Variants in PDE9A observed in about 807,000 individuals in gnomAD.
PDE9A encodes the protein phosphodiesterase 9A.
Under a neutral mutation model 87.4 loss-of-function variants are expected in PDE9A, and 60 were observed. The observed-to-expected ratio is 0.69, with a 90% CI of 0.56 to 0.85. The LOEUF (loss-of-function observed/expected upper bound fraction) is 0.85, where lower values mean the gene tolerates loss of function less well. Among genes scored for constraint, PDE9A ranks in the 40% least tolerant of loss-of-function variants. The probability of loss-of-function intolerance (pLI) is 0.00; values close to 1 mark genes in which losing one functional copy is unlikely to be tolerated. For missense variants in PDE9A, 665 were observed against 779.0 expected, an observed-to-expected ratio of 0.85 and a Z score of 1.74; for synonymous variants, 272 against 279.4, an observed-to-expected ratio of 0.97 and a Z score of 0.27.
In PDE9A at chr21:42,702,063, T is replaced by G. The variant is rs924818573; in HGVS notation, c.262+3052T>G. 1.3e-5 allele frequency among the ~76,000 whole-genome samples: 2 copies of G among 152,206 alleles called. No homozygotes were observed. The highest frequency in any genetic ancestry group is 4.8e-5 in the African/African-American group (2 of 41,448). ...AAATTTGGAATTTTTTCTGCTCTCC[T>G]CTGTCTCTCTCCTTTCCCCTGGGAC... On this transcript the variant is annotated intron_variant, in intron 4 of 19. Transcript: ENST00000291539. The surrounding 1 kb of genome is among the most constrained non-coding windows in gnomAD (Gnocchi z 4.9).
At chr21:42,754,782 CT>C (rs1181826148) in intron 10 of PDE9A, among the ~76,000 whole-genome samples, 2 of 152,172 alleles carry the variant, frequency 1.3e-5, no homozygotes, top group Non-Finnish European at 2.9e-5. Flanking sequence ...TGTCTTTTGC[CT>C]GCCGCCATTT....
rs562399180 is a variant in PDE9A at position 42,662,972 on chromosome 21, G to A, written c.69+9089G>A. On this transcript the variant is annotated intron_variant, in intron 1 of 19. Coordinates refer to ENST00000291539, the MANE Select transcript of PDE9A (RefSeq NM_002606.3). ...CGCACATCACATGCACACGCCACGC[G>A]CCTCACACACAAGAACACACACCAC... Among the ~76,000 whole-genome samples the A allele has an allele frequency of 1.3e-3, 141 of 108,774 alleles. 1 individual carries two copies. Among genetic ancestry groups the A allele is most frequent in the African/African-American group, 2.0e-3 (55 of 27,272 alleles). The allele number at this position is 108,774 out of a possible 152,430, so 71.4% of individuals were successfully genotyped here.
In PDE9A at chr21:42,726,611, TATATATA is replaced by T. The variant is rs1569207221; in HGVS notation, c.263-5158_263-5152del. ...GCCTGGCCATATATATATATATATATATATATATATATATTTTTTTTTTTTTTTTTGT... is the reference window on the plus strand; with the variant it reads ...GCCTGGCCATATATATATATATATATTATATATTTTTTTTTTTTTTTTTGT... On this transcript the variant is annotated intron_variant, in intron 4 of 19. Transcript: ENST00000291539. 2.3e-3 allele frequency among the ~76,000 whole-genome samples: 63 copies of T among 27,286 alleles called. 4 individuals are homozygous for T. The highest frequency in any genetic ancestry group is 0.016 in the African/African-American group (60 of 3,840). The allele number at this position is 27,286 out of a possible 152,430, so 17.9% of individuals were successfully genotyped here.
At chr21:42,766,572 C>T (rs2147158927) in intron 15 of PDE9A, among the ~76,000 whole-genome samples, 1 of 152,326 alleles carries the variant, frequency 6.6e-6, no homozygotes, top group East Asian at 1.9e-4. Context: ...GGACTCATCG[C>T]TCTCTGGAGC....
rs775860733 is a variant in PDE9A at position 42,705,576 on chromosome 21, A to G, written c.262+6565A>G. 6.6e-6 allele frequency among the ~76,000 whole-genome samples: 1 copy of G among 152,144 alleles called. No homozygotes were observed. The highest frequency in any genetic ancestry group is 1.5e-5 in the Non-Finnish European group (1 of 68,018). On this transcript the variant is annotated intron_variant, in intron 4 of 19. Transcript: ENST00000291539. The surrounding 1 kb of genome is among the most constrained non-coding windows in gnomAD (Gnocchi z 4.3). ...TGGGTCCGTGTGATCTCATGACCGT[A>G]TCAAGGGGATTGTGTCTTTTTGACC...
At position 42,653,712 on chromosome 21, in the gene PDE9A, C is replaced by CGGGGG. The variant is rs2056814796; in HGVS notation, c.-102_-101insGGGGG. The CGGGGG allele has an allele frequency of 1.6e-5, 5 of 313,484 alleles. No homozygotes were observed. The highest frequency in any genetic ancestry group is 4.0e-5 in the South Asian group (1 of 25,300). 19.4% of individuals were successfully genotyped at this position (313,484 alleles called of 1,614,324 possible). ...CTGTGGTTGGCTGAGCGCCGCGGGC[C>CGGGGG]GCCCCCCGCCCGCCCCCTCCCCTGC... On this transcript the variant is annotated 5_prime_UTR_variant, in exon 1 of 20. Transcript: ENST00000291539.
chr21:42,691,751 G>A (rs956926570), intron 3 of PDE9A, among the ~76,000 whole-genome samples: 1 of 138,674 alleles, frequency 7.2e-6, no homozygotes, highest in Non-Finnish European at 1.5e-5. Context: ...ACCATCATCC[G>A]AAGTCACCCA....
At chr21:42,686,670 C>G (rs963572826) in intron 2 of PDE9A, among the ~76,000 whole-genome samples, 2 of 152,144 alleles carry the variant, frequency 1.3e-5, no homozygotes, top group Non-Finnish European at 2.9e-5. Context: ...CAAAAATTAG[C>G]CGGGCGTGGT....
At chr21:42,697,907 G>A (rs1241550423) in intron 3 of PDE9A, among the ~76,000 whole-genome samples, 3 of 152,188 alleles carry the variant, frequency 2.0e-5, no homozygotes, top group African/African-American at 7.2e-5. Context: ...CACTAATGTG[G>A]CATCCTGCCT....
In PDE9A at chr21:42,762,188, G is replaced by A. The variant is rs1395975920; in HGVS notation, c.1191G>A (p.Glu397=). The A allele has an allele frequency of 1.2e-6, 2 of 1,614,044 alleles. No homozygotes were observed. Among genetic ancestry groups the A allele is most frequent in the African/African-American group, 1.3e-5 (1 of 74,924 alleles). The change falls in exon 14 of 20, where the codon GAG becomes GAA. Residue 397 remains glutamate, a synonymous_variant. Transcript: ENST00000291539. ...AVAFQILAEP[E]CNIFSNIPPD... ...CCTTCCAGATCCTCGCCGAGCCTGA[G>A]TGCAACATCTTCTCCAACATCCCAC...
rs775071217 is a variant in PDE9A at position 42,775,306 on chromosome 21, G to A, written c.*13G>A. On this transcript the variant is annotated 3_prime_UTR_variant, in exon 20 of 20. Coordinates refer to ENST00000291539, the MANE Select transcript of PDE9A (RefSeq NM_002606.3). ...AGACTGTGCCTGAGGAAAGCGGGGG[G>A]CGTGGCTGCAGTTCTGGACGGGCTG... The A allele has an allele frequency of 9.3e-6, 15 of 1,609,370 alleles. No individual in the cohort carries two copies. The highest frequency in any genetic ancestry group is 1.3e-5 in the Non-Finnish European group (15 of 1,178,078).
chr21:42,773,591 G>A (rs2057225295), intron 19 of PDE9A, among the ~76,000 whole-genome samples: 1 of 151,552 alleles, frequency 6.6e-6, no homozygotes, highest in Non-Finnish European at 1.5e-5. Flanking sequence ...CGGATCACGA[G>A]GAGATCGAGA....
chr21:42,702,566 A>G lies in PDE9A; in HGVS notation c.262+3555A>G, dbSNP rs911404311. Among the ~76,000 whole-genome samples the G allele has an allele frequency of 2.0e-5, 3 of 152,158 alleles. No individual in the cohort carries two copies. The highest frequency in any genetic ancestry group is 7.2e-5 in the African/African-American group (3 of 41,436). On this transcript the variant is annotated intron_variant, in intron 4 of 19. Coordinates refer to ENST00000291539, the MANE Select transcript of PDE9A (RefSeq NM_002606.3). This position sits in a 1 kb window ranked among gnomAD's most constrained non-coding sequence, Gnocchi z 4.9. ...TCACAGGAATGCACGCTGGTTCATC[A>G]TCTGGTTTTGTTTCTCCCAGTTAAG...
intron 1 of PDE9A, among the ~76,000 whole-genome samples, chr21:42,680,310 C>T (rs2059100618): frequency 6.6e-6 from 1 of 152,270 alleles, no homozygotes; most frequent in Non-Finnish European, 1.5e-5. Flanking sequence ...TTAAGGCAGC[C>T]CCCTGCTCCA....
chr21:42,716,359 C>T (rs1055636452), intron 4 of PDE9A, among the ~76,000 whole-genome samples: 2 of 151,800 alleles, frequency 1.3e-5, no homozygotes, highest in African/African-American at 2.4e-5. Context: ...CAGCAATGAA[C>T]GAGCATTCCT....
intron 4 of PDE9A, among the ~76,000 whole-genome samples, chr21:42,715,445 G>GTTATAGGAGCATAGTACTTCATTTT (rs1555919454): frequency 1.6e-4 from 24 of 151,982 alleles, no homozygotes; most frequent in South Asian, 6.3e-4. Flanking sequence ...TGGCCAACAT[G>GTTATAGGAGCATAGTACTTCATTTT]GTGAAACCCT....
At chr21:42,670,240 C>CACAT (rs796446421) in intron 1 of PDE9A, among the ~76,000 whole-genome samples, 1 of 97,692 alleles carries the variant, frequency 1.0e-5, no homozygotes, top group African/African-American at 3.3e-5. Flanking sequence ...TACATTCACA[C>CACAT]TCATACACAT....
rs1278137860 is a variant in PDE9A, at chr21:42,659,613, A to G, written c.69+5730A>G. Among the ~76,000 whole-genome samples the G allele has an allele frequency of 6.6e-6, 1 of 152,032 alleles. No homozygotes were observed. The highest frequency in any genetic ancestry group is 6.5e-5 in the Admixed American group (1 of 15,268). On this transcript the variant is annotated intron_variant, in intron 1 of 19. Transcript: ENST00000291539. The surrounding 1 kb of genome is among the most constrained non-coding windows in gnomAD (Gnocchi z 4.1). ...CCCCATGACGCTTCTCTCATCCTGG[A>G]CCCATCAGCCCGGAAGACTCTGGAA... is the stretch of plus-strand genomic sequence containing the variant.
intron 1 of PDE9A, among the ~76,000 whole-genome samples, chr21:42,664,953 G>A (rs962055134): frequency 4.6e-5 from 7 of 152,250 alleles, no homozygotes; most frequent in African/African-American, 1.7e-4. Flanking sequence ...TGAATGTCCC[G>A]TTAGTTGGAA....
Sources: allele counts gnomAD v4.1 joint callset (sites outside exome capture counted in the v4.1 genomes callset), GRCh38; gene constraint gnomAD v4.1.1; non-coding constraint Gnocchi (gnomAD v3.1); transcripts MANE v1.5; gene names NCBI Gene and HGNC (gene_info 2026-07-23, HGNC 2026-07-21).